The following BCAS3 variants were observed in gnomAD, a reference collection of about 807,000 sequenced individuals.
The protein encoded by BCAS3 is BCAS3 microtubule associated cell migration factor.
A neutral mutation model predicts 116.1 loss-of-function variants in BCAS3; 53 were observed. The observed-to-expected ratio is 0.46, with a 90% CI of 0.37 to 0.57. The LOEUF is 0.57. Ranked by LOEUF, BCAS3 falls within the 20% of genes least tolerant of loss-of-function variation. BCAS3 has a pLI of 0.00. For missense variants in BCAS3, 917 were observed against 1,165.4 expected (o/e 0.79, Z 3.10); for synonymous variants, 391 against 408.2 (o/e 0.96, Z 0.51).
At chr17:61,263,438 C>A (rs1052195491) in intron 22 of BCAS3, among the ~76,000 whole-genome samples, 6 of 152,242 alleles carry the variant, frequency 3.9e-5, no homozygotes, top group Admixed American at 3.3e-4. Context: ...GCCCTTCATT[C>A]TCTTTCCATT....
chr17:61,026,056 A>C lies in BCAS3; in HGVS notation c.1638-8610A>C, dbSNP rs1055829397. On this transcript the variant is annotated intron_variant, in intron 16 of 23. Coordinates refer to ENST00000407086, the MANE Select transcript of BCAS3 (RefSeq NM_017679.5). The surrounding 1 kb of genome is among the most constrained non-coding windows in gnomAD (Gnocchi z 5.0). ...AGTACCATTTGGTTTGGATATCATT[A>C]AATCACTCAGTTTTCTTTATGTGCA... Among the ~76,000 whole-genome samples, 5 of 152,130 alleles carry C rather than the reference A, an allele frequency of 3.3e-5. No individual in the cohort carries two copies. Among genetic ancestry groups the C allele is most frequent in the African/African-American group, 1.2e-4 (5 of 41,462 alleles).
chr17:61,217,551 C>T lies in BCAS3; in HGVS notation c.2425+132987C>T, dbSNP rs557528910. 6.6e-6 allele frequency among the ~76,000 whole-genome samples: 1 copy of T among 152,146 alleles called. No homozygotes were observed. The highest frequency in any genetic ancestry group is 2.4e-5 in the African/African-American group (1 of 41,496). On this transcript the variant is annotated intron_variant, in intron 22 of 23. Transcript: ENST00000407086. The surrounding 1 kb of genome is among the most constrained non-coding windows in gnomAD (Gnocchi z 5.2). Reference sequence around the variant, plus strand: ...CAGGAACTAAGAGCAGAAATGCTTTCCCCCACCCACCTCCCCTCATGGTTA... The same window carrying T: ...CAGGAACTAAGAGCAGAAATGCTTTTCCCCACCCACCTCCCCTCATGGTTA...
rs2065811314 is a variant in BCAS3, at chr17:61,020,662, G to A, written c.1637+4761G>A. 6.6e-6 allele frequency among the ~76,000 whole-genome samples: 1 copy of A among 152,202 alleles called. No homozygotes were observed. The highest frequency in any genetic ancestry group is 3.2e-3 in the Middle Eastern group (1 of 316). ...CCATATCTTGGATGTTAGGTTTGTA[G>A]TAGGGATTTATTAGCAGCATTTCAT... On this transcript the variant is annotated intron_variant, in intron 16 of 23. Transcript: ENST00000407086. The surrounding 1 kb of genome is among the most constrained non-coding windows in gnomAD (Gnocchi z 4.5).
chr17:60,919,385 G>C (rs976486922), intron 12 of BCAS3, among the ~76,000 whole-genome samples: 1 of 152,122 alleles, frequency 6.6e-6, no homozygotes, highest in Non-Finnish European at 1.5e-5. Flanking sequence ...TGGTGCAGTG[G>C]TGCGATCTCA....
chr17:60,973,804 C>T (rs529200229), intron 14 of BCAS3, among the ~76,000 whole-genome samples: 4 of 152,026 alleles, frequency 2.6e-5, no homozygotes, highest in Non-Finnish European at 5.9e-5. Flanking sequence ...GTTGGCCAGG[C>T]TGGTCTTGAA....
chr17:60,777,145 G>A (rs1417460955), intron 6 of BCAS3, among the ~76,000 whole-genome samples: 5 of 152,068 alleles, frequency 3.3e-5, no homozygotes, highest in African/African-American at 1.2e-4. Context: ...AGGCAGCTCC[G>A]TGACTTCCAT....
chr17:61,105,761 G>T lies in BCAS3; in HGVS notation c.2425+21197G>T, dbSNP rs2074605513. Reference sequence around the variant, plus strand: ...AGAATTCTTATACCTCTTGCTTTAAGTGTTGGGAGAAAATGGAAAAAAAAA... The same window carrying T: ...AGAATTCTTATACCTCTTGCTTTAATTGTTGGGAGAAAATGGAAAAAAAAA... On this transcript the variant is annotated intron_variant, in intron 22 of 23. Transcript: ENST00000407086. The surrounding 1 kb of genome is among the most constrained non-coding windows in gnomAD (Gnocchi z 4.3). 9.1e-6 allele frequency among the ~76,000 whole-genome samples: 1 copy of T among 109,632 alleles called. No individual in the cohort carries two copies. Among genetic ancestry groups the T allele is most frequent in the Non-Finnish European group, 2.1e-5 (1 of 48,170 alleles). The allele number at this position is 109,632 out of a possible 152,430, so 71.9% of individuals were successfully genotyped here.
At position 61,141,902 on chromosome 17, in the gene BCAS3, G is replaced by GGA. The variant is rs1555739668; in HGVS notation, c.2425+57338_2425+57339insGA. 1.4e-4 allele frequency among the ~76,000 whole-genome samples: 4 copies of GGA among 28,584 alleles called. No homozygotes were observed. Among genetic ancestry groups the GGA allele is most frequent in the African/African-American group, 1.8e-4 (4 of 21,842 alleles). The allele number at this position is 28,584 out of a possible 152,430, so 18.8% of individuals were successfully genotyped here. On this transcript the variant is annotated intron_variant, in intron 22 of 23. Transcript: ENST00000407086. The surrounding 1 kb of genome is among the most constrained non-coding windows in gnomAD (Gnocchi z 4.3). ...GTGACAGAGCGAGACCCCACCTCAA[G>GGA]AAAAAAAAAAAAAAAAAAGTTAGAC...
chr17:60,729,334 A>C (rs975018716), intron 5 of BCAS3, among the ~76,000 whole-genome samples: 3 of 139,666 alleles, frequency 2.1e-5, no homozygotes, highest in African/African-American at 8.9e-5. Context: ...TTTTTTTTTA[A>C]GATACCTAGT....
rs1238929231 is a variant in BCAS3 at position 61,136,254 on chromosome 17, C to CAATATTTT, written c.2425+51690_2425+51691insAATATTTT. 3.1e-3 allele frequency among the ~76,000 whole-genome samples: 466 copies of CAATATTTT among 152,196 alleles called. 3 individuals are homozygous for CAATATTTT. The highest frequency in any genetic ancestry group is 0.011 in the African/African-American group (451 of 41,492). On this transcript the variant is annotated intron_variant, in intron 22 of 23. Transcript: ENST00000407086. The surrounding 1 kb of genome is among the most constrained non-coding windows in gnomAD (Gnocchi z 4.4). ...CTTCCAATATTTTTACTTAAGCATC[C>CAATATTTT]CCTCTTCTTCTCTGCACCTGGAGCA...
intron 6 of BCAS3, among the ~76,000 whole-genome samples, chr17:60,747,790 T>A (rs2042131184): frequency 6.6e-6 from 1 of 152,216 alleles, no homozygotes. Context: ...TACAGCTATG[T>A]CAGAAGTGGA....
chr17:60,686,322 C>A (rs2034037864), intron 3 of BCAS3, among the ~76,000 whole-genome samples: 1 of 152,146 alleles, frequency 6.6e-6, no homozygotes, highest in African/African-American at 2.4e-5. Flanking sequence ...ACCTCCTGCT[C>A]TATTCTGGGA....
intron 5 of BCAS3, among the ~76,000 whole-genome samples, chr17:60,716,153 G>C (rs956656282): frequency 6.6e-6 from 1 of 152,136 alleles, no homozygotes; most frequent in Non-Finnish European, 1.5e-5. Context: ...GAGCCACCGC[G>C]CACAGCCACG....
intron 22 of BCAS3, among the ~76,000 whole-genome samples, chr17:61,247,800 C>T (rs1384929472): frequency 6.6e-6 from 1 of 152,188 alleles, no homozygotes; most frequent in Non-Finnish European, 1.5e-5. Context: ...TCCTATCTAC[C>T]ATCAGGCCCC....
intron 11 of BCAS3, among the ~76,000 whole-genome samples, chr17:60,907,884 G>A (rs766129955): frequency 7.9e-5 from 12 of 152,060 alleles, no homozygotes; most frequent in Non-Finnish European, 1.5e-4. Context: ...TTAGATTTCC[G>A]TTAAATAACA....
Position 61,388,872 on chromosome 17 carries a change from G to A in BCAS3, c.2594-3105G>A, listed in dbSNP as rs991000837. The A allele has an allele frequency of 7.5e-6, 5 of 666,078 alleles. No individual in the cohort carries two copies. Among genetic ancestry groups the A allele is most frequent in the African/African-American group, 3.6e-5 (2 of 54,916 alleles). The allele number at this position is 666,078 out of a possible 1,614,324, so 41.3% of individuals were successfully genotyped here. A position where few individuals can be genotyped will look rare whatever the true frequency, so the allele number is the denominator to read the frequency against. Reference sequence around the variant, plus strand: ...TCTGAGAGGAGGCGTGGAGAAAAGCGCCCACAAAGCTGCCCCGGGGCCAGC... The same window carrying A: ...TCTGAGAGGAGGCGTGGAGAAAAGCACCCACAAAGCTGCCCCGGGGCCAGC... On this transcript the variant is annotated intron_variant, in intron 23 of 23. Coordinates refer to ENST00000407086, the MANE Select transcript of BCAS3 (RefSeq NM_017679.5). This position sits in a 1 kb window ranked among gnomAD's most constrained non-coding sequence, Gnocchi z 6.5.
At chr17:61,250,953 G>A (rs934207835) in intron 22 of BCAS3, among the ~76,000 whole-genome samples, 12 of 152,296 alleles carry the variant, frequency 7.9e-5, no homozygotes, top group South Asian at 4.1e-4. Context: ...TCACATGAGC[G>A]GGAGGTCTTA....
chr17:60,711,087 C>T (rs1272452705), intron 5 of BCAS3, among the ~76,000 whole-genome samples: 2 of 151,948 alleles, frequency 1.3e-5, no homozygotes, highest in Non-Finnish European at 2.9e-5. Flanking sequence ...CAGGCATGAG[C>T]CACTGTGCCT....
At position 60,947,407 on chromosome 17, in the gene BCAS3, C is replaced by G; in HGVS notation, c.1221+55C>G. The G allele has an allele frequency of 2.0e-6, 3 of 1,517,198 alleles. No homozygotes were observed. The South Asian group carries it at 3.6e-5, about 18-fold the overall frequency. The allele number at this position is 1,517,198 out of a possible 1,614,324, so 94.0% of individuals were successfully genotyped here. A position where few individuals can be genotyped will look rare whatever the true frequency, so the allele number is the denominator to read the frequency against. Reference sequence around the variant, plus strand: ...TTCTTGGTGTAATATGACATCTACTCTAGCTGGTCATTTATATTACATTGC... The same window carrying G: ...TTCTTGGTGTAATATGACATCTACTGTAGCTGGTCATTTATATTACATTGC... On this transcript the variant is annotated intron_variant, in intron 14 of 23. Transcript: ENST00000407086.
Sources: allele counts gnomAD v4.1 joint callset (sites outside exome capture counted in the v4.1 genomes callset), GRCh38; gene constraint gnomAD v4.1.1; non-coding constraint Gnocchi (gnomAD v3.1); transcripts MANE v1.5; gene names NCBI Gene and HGNC (gene_info 2026-07-23, HGNC 2026-07-21).